Variants in PTPN4 observed in about 807,000 individuals in gnomAD.
The protein encoded by PTPN4 is protein tyrosine phosphatase non-receptor type 4.
Under a neutral mutation model 135.5 loss-of-function variants are expected in PTPN4, and 49 were observed. The ratio of observed to expected loss-of-function variants is 0.36; its 90% CI spans 0.29 to 0.46. The LOEUF (loss-of-function observed/expected upper bound fraction) is 0.46. PTPN4 is among the 20% of genes least tolerant of loss of function. PTPN4 has a pLI of 1.00. For missense variants in PTPN4, 860 were observed against 1,101.0 expected (o/e 0.78, Z 3.10); for synonymous variants, 333 against 369.9 (o/e 0.90, Z 1.14).
intron 2 of PTPN4, among the ~76,000 whole-genome samples, chr2:119,847,525 C>T (rs1396109443): frequency 6.6e-6 from 1 of 152,076 alleles, no homozygotes; most frequent in East Asian, 1.9e-4. Flanking sequence ...CGGTATTTCT[C>T]CACATTGGTC....
chr2:119,810,442 G>A (rs1169344898), intron 2 of PTPN4, among the ~76,000 whole-genome samples: 2 of 152,094 alleles, frequency 1.3e-5, no homozygotes, highest in Non-Finnish European at 2.9e-5. Context: ...TTTGTGTCTA[G>A]CTTTGTTTGC....
intron 3 of PTPN4, 54 bp from the exon 4 acceptor site, chr2:119,877,269 A>G (rs148569782): frequency 1.1e-5 from 18 of 1,566,090 alleles, no homozygotes; most frequent in African/African-American, 2.7e-5. Context: ...GCAAGAATCA[A>G]TATAGTAGTT....
At chr2:119,836,691 C>G (rs1241783835) in intron 2 of PTPN4, among the ~76,000 whole-genome samples, 1 of 152,260 alleles carries the variant, frequency 6.6e-6, no homozygotes, top group Non-Finnish European at 1.5e-5. Flanking sequence ...GCCCCTCAGC[C>G]CCTGCAGGCT....
chr2:119,779,325 A>G (rs1690895119), intron 1 of PTPN4, among the ~76,000 whole-genome samples: 1 of 152,250 alleles, frequency 6.6e-6, no homozygotes, highest in Admixed American at 6.5e-5. Context: ...AAATAAGTGT[A>G]AAGAATTGTC....
At chr2:119,860,149 T>C (rs1245440538) in intron 2 of PTPN4, among the ~76,000 whole-genome samples, 1 of 152,192 alleles carries the variant, frequency 6.6e-6, no homozygotes, top group African/African-American at 2.4e-5. Context: ...TTAAAAAAGA[T>C]TAATGCTTGC....
At chr2:119,976,329 A>G (rs574538180) in intron 26 of PTPN4, among the ~76,000 whole-genome samples, 1 of 151,736 alleles carries the variant, frequency 6.6e-6, no homozygotes, top group Admixed American at 6.6e-5. Flanking sequence ...TTATTCTTCC[A>G]TTGCTTTTTT....
chr2:119,955,806 A>G (rs1049662963), intron 20 of PTPN4, among the ~76,000 whole-genome samples: 8 of 151,994 alleles, frequency 5.3e-5, no homozygotes, highest in Admixed American at 3.3e-4. Flanking sequence ...GTGTGGTGGC[A>G]GGTGCCTGTA....
At chr2:119,810,586 T>G (rs1045033626) in intron 2 of PTPN4, among the ~76,000 whole-genome samples, 1 of 152,210 alleles carries the variant, frequency 6.6e-6, no homozygotes, top group Non-Finnish European at 1.5e-5. Context: ...CTTGTCCAGT[T>G]TATTGTTGGT....
intron 15 of PTPN4, among the ~76,000 whole-genome samples, chr2:119,943,591 T>TC (rs1459030318): frequency 8.7e-4 from 118 of 135,302 alleles, no homozygotes; most frequent in Non-Finnish European, 1.3e-3. Flanking sequence ...TTTTTTTTTT[T>TC]TTTTTTTTTT....
chr2:119,841,729 G>A (rs1349890448), intron 2 of PTPN4, among the ~76,000 whole-genome samples: 1 of 152,072 alleles, frequency 6.6e-6, no homozygotes, highest in Non-Finnish European at 1.5e-5. Context: ...CCCTTCCCAT[G>A]CTCATTACTC....
intron 1 of PTPN4, among the ~76,000 whole-genome samples, chr2:119,773,397 C>A (rs1393247679): frequency 1.3e-5 from 2 of 151,822 alleles, no homozygotes; most frequent in Admixed American, 6.6e-5. Flanking sequence ...TTGAAAAAAA[C>A]ACAGATGAAC....
intron 1 of PTPN4, among the ~76,000 whole-genome samples, chr2:119,766,447 C>CGTGT (rs1194960232): frequency 7.9e-5 from 5 of 63,102 alleles, no homozygotes; most frequent in African/African-American, 3.0e-4. Flanking sequence ...CGCATGTGCG[C>CGTGT]GCGTGTGTGT....
intron 19 of PTPN4, among the ~76,000 whole-genome samples, chr2:119,952,574 A>T (rs994344101): frequency 6.6e-6 from 1 of 152,212 alleles, no homozygotes; most frequent in African/African-American, 2.4e-5. Context: ...CTAGTACTCA[A>T]TAAATACTAG....
At chr2:119,761,960 G>T (rs527767916) in intron 1 of PTPN4, among the ~76,000 whole-genome samples, 3 of 152,258 alleles carry the variant, frequency 2.0e-5, no homozygotes, top group African/African-American at 7.2e-5. Flanking sequence ...AGAGCTGTAG[G>T]TATTGAATTG....
chr2:119,900,695 GT>G, intron 9 of PTPN4, 22 bp from the exon 10 acceptor site: 1 of 1,403,562 alleles, frequency 7.1e-7, no homozygotes, highest in South Asian at 1.4e-5. Flanking sequence ...GATTTATCAT[GT>G]TTTTATTCAT....
intron 10 of PTPN4, among the ~76,000 whole-genome samples, chr2:119,901,802 C>T (rs1047047748): frequency 6.6e-6 from 1 of 152,040 alleles, no homozygotes; most frequent in Non-Finnish European, 1.5e-5. Flanking sequence ...AAGAATTAAA[C>T]AGGAGTGCTA....
At position 119,962,723 on chromosome 2, in the gene PTPN4, G is replaced by T; in HGVS notation, c.2388G>T (p.Lys796Asn). The change falls in exon 24 of 27, where the codon AAG becomes AAT. Residue 796 changes from lysine (K) to asparagine (N), a missense_variant. Physicochemically the swap from Lys to Asn is moderately conservative, Grantham distance 94. Coordinates refer to ENST00000263708, the MANE Select transcript of PTPN4 (RefSeq NM_002830.4). The stretch of plus-strand genomic sequence containing the variant: ...GAAACACTGCCTATATCTTCAGGAA[G>T]ATGACCCTATTTAACCAAGAGGTAA... The part of the protein sequence containing the change: ...EEGNTAYIFR[K>N]MTLFNQEKNE... 1 of 1,585,094 alleles carries T rather than the reference G, an allele frequency of 6.3e-7. No homozygotes were observed. Among genetic ancestry groups the T allele is most frequent in the Non-Finnish European group, 8.6e-7 (1 of 1,160,618 alleles).
In PTPN4 at chr2:119,960,867, C is replaced by T; in HGVS notation, c.2194C>T (p.His732Tyr). The change falls in exon 23 of 27, where the codon CAC becomes TAC. Residue 732 changes from histidine (H) to tyrosine (Y), a missense_variant. By Grantham distance (83) the His-to-Tyr change is moderately conservative. Transcript: ENST00000263708. Reference protein sequence around the residue: ...QYIACQGPLPHTCTDFWQMTW... With the variant: ...QYIACQGPLPYTCTDFWQMTW... ...CATTGCTTGTCAAGGGCCATTACCA[C>T]ACACTTGTACAGATTTTTGGCAGAT... 6.2e-7 allele frequency: 1 copy of T among 1,613,942 alleles called. No individual in the cohort carries two copies. Among genetic ancestry groups the T allele is most frequent in the Non-Finnish European group, 8.5e-7 (1 of 1,179,910 alleles).
At chr2:119,897,790 T>C (rs1229867884) in intron 9 of PTPN4, among the ~76,000 whole-genome samples, 3 of 152,218 alleles carry the variant, frequency 2.0e-5, no homozygotes, top group African/African-American at 4.8e-5. Context: ...TATAATCTGA[T>C]TGTGTATTAA....
Sources: gnomAD v4.1 joint callset for allele counts (sites outside exome capture counted in the v4.1 genomes callset) on GRCh38, gnomAD v4.1.1 for gene constraint, MANE v1.5 for transcripts, NCBI Gene and HGNC (gene_info 2026-07-23, HGNC 2026-07-21) for gene names.